The following TF variants were observed in gnomAD, a reference collection of about 807,000 sequenced individuals.
The protein encoded by TF is serotransferrin.
A neutral mutation model predicts 82.4 loss-of-function variants in TF; 55 were observed. That is an observed-to-expected ratio of 0.67 (90% CI 0.54 to 0.84). TF has a LOEUF of 0.84. Among genes scored for constraint, TF ranks in the 40% least tolerant of loss-of-function variants. The probability of loss-of-function intolerance (pLI) is 0.00; values close to 1 mark genes in which losing one functional copy is unlikely to be tolerated. For missense variants in TF, 737 were observed against 868.4 expected (o/e 0.85, Z 1.90); for synonymous variants, 332 against 332.6 (o/e 1.00, Z 0.02).
At chr3:133,757,208 G>A (rs537597598) in intron 7 of TF, among the ~76,000 whole-genome samples, 199 bp downstream of exon 7, 10 of 152,278 alleles carry the variant, frequency 6.6e-5, no homozygotes, top group African/African-American at 2.2e-4. Flanking sequence ...ACCGTCTGCC[G>A]CCCTTGCCTT....
At chr3:133,755,065 T>C (rs1933786894) in intron 4 of TF, among the ~76,000 whole-genome samples, 1 of 152,244 alleles carries the variant, frequency 6.6e-6, no homozygotes, top group South Asian at 2.1e-4. Context: ...GACCTCTCTC[T>C]GAGCTGTTCC....
chr3:133,755,581 C>T lies in TF; in HGVS notation c.635+86C>T, dbSNP rs553517183. The T allele has an allele frequency of 2.5e-6, 4 of 1,587,008 alleles. No individual in the cohort carries two copies. In the African/African-American group the frequency reaches 4.0e-5, roughly 16 times the overall value. ...TTCTTTGCTGGTCCAAAGCCGAGCC[C>T]TGCCTGCCTACAGGGGCATCGAGGT... On this transcript the variant is annotated intron_variant, in intron 5 of 16. Coordinates refer to ENST00000402696, the MANE Select transcript of TF (RefSeq NM_001063.4).
chr3:133,733,751 A>C, the TF span, among the ~76,000 whole-genome samples: 34 of 152,102 alleles, frequency 2.2e-4, no homozygotes, highest in African/African-American at 8.0e-4. Context: ...TCTGCACACA[A>C]TCCTATCTGC....
chr3:133,767,791 T>C (rs557318471), intron 12 of TF, among the ~76,000 whole-genome samples: 8 of 152,344 alleles, frequency 5.3e-5, no homozygotes, highest in South Asian at 2.1e-4. Context: ...GACATCATTA[T>C]TGTGCTCAAA....
At chr3:133,773,934 C>T (rs982321862) in intron 14 of TF, 2 of 152,434 alleles carry the variant, frequency 1.3e-5, no homozygotes, top group African/African-American at 4.8e-5. Flanking sequence ...CGCCTGCACT[C>T]TCCTTTCCTC....
At chr3:133,746,573 C>T in intron 1 of TF, 90 bp downstream of exon 1, 1 of 1,418,518 alleles carries the variant, frequency 7.0e-7, no homozygotes. Flanking sequence ...GCATGCACTC[C>T]GCGCTCAGGC....
At chr3:133,721,832 C>T in the TF span, among the ~76,000 whole-genome samples, 1 of 152,066 alleles carries the variant, frequency 6.6e-6, no homozygotes, top group Non-Finnish European at 1.5e-5. Flanking sequence ...TCATCATTAT[C>T]ATCATCATAT....
chr3:133,756,681 G>C (rs1467222471), intron 6 of TF, 150 bp from the exon 7 acceptor site: 4 of 975,462 alleles, frequency 4.1e-6, no homozygotes, highest in Non-Finnish European at 6.3e-6. Context: ...GTGGGCTCTT[G>C]AGCGAGTCAT....
At chr3:133,764,372 TA>T (rs2107923997) in intron 10 of TF, 97 bp downstream of exon 10, 1 of 1,059,188 alleles carries the variant, frequency 9.4e-7, no homozygotes, top group South Asian at 1.3e-5. Context: ...ACAGCTGCCA[TA>T]AAGCTTTCCC....
the TF span, among the ~76,000 whole-genome samples, chr3:133,711,482 C>G: frequency 1.1e-4 from 16 of 152,306 alleles, no homozygotes; most frequent in Admixed American, 3.9e-4. Context: ...CCAGAACTAC[C>G]TGGTGTGGTG....
Position 133,768,021 on chromosome 3 carries a change from C to T in TF, c.1487-8C>T. 1 of 1,614,124 alleles carries T rather than the reference C, an allele frequency of 6.2e-7. No individual in the cohort carries two copies. The highest frequency in any genetic ancestry group is 8.5e-7 in the Non-Finnish European group (1 of 1,179,960). On this transcript the variant is annotated splice_region_variant and splice_polypyrimidine_tract_variant and intron_variant, in intron 12 of 16. Transcript: ENST00000402696. ...GAAAAGCTGACTTCCTCTTGTCCTT[C>T]TGCACAGATGAATTTTTCAGTGAAG...
intron 15 of TF, among the ~76,000 whole-genome samples, chr3:133,775,973 C>T (rs1469246172): frequency 1.3e-5 from 2 of 152,124 alleles, no homozygotes; most frequent in Non-Finnish European, 2.9e-5. Flanking sequence ...ATAGGACGTG[C>T]TCAAAATATG....
the TF span, among the ~76,000 whole-genome samples, chr3:133,722,795 TGA>T: frequency 6.6e-6 from 1 of 152,240 alleles, no homozygotes; most frequent in African/African-American, 2.4e-5. Flanking sequence ...ACTAGAAGAC[TGA>T]GAGTTTTACA....
At chr3:133,684,551 T>C in the TF span, among the ~76,000 whole-genome samples, 1 of 152,152 alleles carries the variant, frequency 6.6e-6, no homozygotes, top group Non-Finnish European at 1.5e-5. Flanking sequence ...AAATACAAAC[T>C]ACCATCAGAG....
the TF span, among the ~76,000 whole-genome samples, chr3:133,739,720 A>G: frequency 1.3e-5 from 2 of 152,248 alleles, no homozygotes; most frequent in African/African-American, 4.8e-5. Context: ...CAGCCAACAA[A>G]CATAAGGGAA....
the TF span, among the ~76,000 whole-genome samples, chr3:133,713,816 A>G: frequency 6.6e-6 from 1 of 152,092 alleles, no homozygotes; most frequent in Non-Finnish European, 1.5e-5. Context: ...CCCCTCTACC[A>G]GTTTGCAGTG....
chr3:133,720,074 G>A, the TF span, among the ~76,000 whole-genome samples: 4 of 151,900 alleles, frequency 2.6e-5, no homozygotes, highest in African/African-American at 9.7e-5. Flanking sequence ...TTTCCAAATC[G>A]GATGCCTTTT....
rs1291322022 is a variant in TF at position 133,779,371 on chromosome 3, AC to A, written c.*753del. 1 of 152,050 alleles carries A rather than the reference AC, an allele frequency of 6.6e-6. No homozygotes were observed. Among genetic ancestry groups the A allele is most frequent in the Non-Finnish European group, 1.5e-5 (1 of 68,000 alleles). The allele number at this position is 152,050 out of a possible 1,614,324, so 9.4% of individuals were successfully genotyped here. On this transcript the variant is annotated 3_prime_UTR_variant, in exon 17 of 17. Transcript: ENST00000402696. Reference sequence around the variant, plus strand: ...ATTTGGTCTTCTGCTTCACCAACTTACCTGAATGTACCCTGGCAAAAGTCAC... The same window carrying A: ...ATTTGGTCTTCTGCTTCACCAACTTACTGAATGTACCCTGGCAAAAGTCAC...
At chr3:133,719,142 T>G in the TF span, among the ~76,000 whole-genome samples, 4 of 152,308 alleles carry the variant, frequency 2.6e-5, no homozygotes, top group Admixed American at 2.0e-4. Flanking sequence ...AAATGTATAG[T>G]GATATACATT....
Sources: allele counts gnomAD v4.1 joint callset (sites outside exome capture counted in the v4.1 genomes callset), GRCh38; gene constraint gnomAD v4.1.1; transcripts MANE v1.5; gene names NCBI Gene and HGNC (gene_info 2026-07-23, HGNC 2026-07-21).